The following SYNE1 variants were observed in gnomAD, a reference collection of about 807,000 sequenced individuals.
The protein encoded by SYNE1 is spectrin repeat containing nuclear envelope protein 1.
SYNE1 carries 616 observed loss-of-function variants against 1,111.0 expected under a neutral mutation model. That is an observed-to-expected ratio of 0.55 (90% CI 0.52 to 0.59). The LOEUF is 0.59. SYNE1 is among the 20% of genes least tolerant of loss of function. The probability of loss-of-function intolerance (pLI) is 0.00; values close to 1 mark genes in which losing one functional copy is unlikely to be tolerated. For missense variants in SYNE1, 10,006 were observed against 10,417.0 expected, an observed-to-expected ratio of 0.96 and a Z score of 1.72; for synonymous variants, 3,855 against 3,825.8, an observed-to-expected ratio of 1.01 and a Z score of -0.28.
chr6:152,169,719 G>A lies in SYNE1; in HGVS notation c.23628-5394C>T, dbSNP rs150747347. 3.0e-3 allele frequency among the ~76,000 whole-genome samples: 456 copies of A among 150,128 alleles called. 6 individuals are homozygous for A. The East Asian group carries it at 0.033, about 11-fold the overall frequency. On this transcript the variant is annotated intron_variant, in intron 130 of 145. Transcript: ENST00000367255. ...TAATGAAGTGGGAGGAAGACTGCTT[G>A]AGCCCAGGAGGCTGAGGCTGCAGTG...
chr6:152,488,031 C>T (rs987935695), intron 12 of SYNE1, among the ~76,000 whole-genome samples: 13 of 147,514 alleles, frequency 8.8e-5, no homozygotes, highest in Admixed American at 6.7e-4. Context: ...TCCAAGATCA[C>T]GCCATTGCAC....
chr6:152,446,337 G>A (rs1322666604), intron 29 of SYNE1, among the ~76,000 whole-genome samples: 2 of 152,020 alleles, frequency 1.3e-5, no homozygotes, highest in African/African-American at 4.8e-5. Flanking sequence ...GATTGAAATA[G>A]GTTATGTTCC....
intron 2 of SYNE1, among the ~76,000 whole-genome samples, chr6:152,629,875 T>G (rs2099694963): frequency 6.6e-6 from 1 of 151,850 alleles, no homozygotes; most frequent in South Asian, 2.1e-4. Flanking sequence ...TAAAGAAAGC[T>G]CATACATGTG....
In SYNE1 at chr6:152,331,098, C is replaced by T. The variant is rs1265607198; in HGVS notation, c.13587G>A (p.Lys4529=). The change falls in exon 78 of 146, where the codon AAG becomes AAA. Residue 4529 remains lysine (K), a synonymous_variant. Transcript: ENST00000367255. The part of the protein sequence containing the change: ...ELMKEVTEQE[K]SEVLGKLQEL... Reference sequence around the variant, plus strand: ...CCTGAAGCTTCCCCAGCACTTCACTCTTTTCCTGCTCTGTGACTTCCTTCA... The same window carrying T: ...CCTGAAGCTTCCCCAGCACTTCACTTTTTTCCTGCTCTGTGACTTCCTTCA... The T allele has an allele frequency of 6.2e-7, 1 of 1,614,158 alleles. No individual in the cohort carries two copies. The highest frequency in any genetic ancestry group is 8.5e-7 in the Non-Finnish European group (1 of 1,180,032).
At chr6:152,152,781 G>A (rs2060670880) in intron 133 of SYNE1, among the ~76,000 whole-genome samples, 1 of 152,070 alleles carries the variant, frequency 6.6e-6, no homozygotes, top group African/African-American at 2.4e-5. Context: ...AACATGCTCT[G>A]TTTCTTTTTT....
chr6:152,141,479 G>T (rs1235883352), intron 138 of SYNE1, 150 bp from the exon 139 acceptor site: 3 of 1,042,728 alleles, frequency 2.9e-6, no homozygotes, highest in Non-Finnish European at 4.3e-6. Context: ...CAAGATGGCC[G>T]AGTGTGGTGT....
chr6:152,433,651 C>T, intron 34 of SYNE1, 144 bp downstream of exon 34: 2 of 970,274 alleles, frequency 2.1e-6, no homozygotes, highest in Non-Finnish European at 3.1e-6. Context: ...GACCTCTTAG[C>T]TTGATAAAAT....
chr6:152,277,576 C>T (rs912401124), intron 98 of SYNE1: 7 of 177,638 alleles, frequency 3.9e-5, no homozygotes, highest in East Asian at 2.9e-4. Context: ...GCGTGAGCCA[C>T]GGCGCCCTGC....
rs374434319 is a variant in SYNE1, at chr6:152,433,782, G to A, written c.4461+13C>T. 1 of 1,613,518 alleles carries A rather than the reference G, an allele frequency of 6.2e-7. No individual in the cohort carries two copies. The highest frequency in any genetic ancestry group is 1.7e-5 in the Admixed American group (1 of 59,994). ...TAGACATGGATTATAAATATAATGT[G>A]TGAGCAGGTCACCTTAATTTGGCTG... On this transcript the variant is annotated intron_variant, in intron 34 of 145. Coordinates refer to ENST00000367255, the MANE Select transcript of SYNE1 (RefSeq NM_182961.4).
At chr6:152,179,639 C>T (rs1277175233) in intron 129 of SYNE1, among the ~76,000 whole-genome samples, 3 of 112,670 alleles carry the variant, frequency 2.7e-5, no homozygotes, top group African/African-American at 1.1e-4. Flanking sequence ...GTAAAGCAGG[C>T]CTTTTTATGC....
intron 139 of SYNE1, among the ~76,000 whole-genome samples, 182 bp downstream of exon 139, chr6:152,141,021 C>A (rs951226601): frequency 6.8e-6 from 1 of 146,662 alleles, no homozygotes; most frequent in South Asian, 2.2e-4. Flanking sequence ...GGCGACAGAG[C>A]GCCACTCCGC....
At chr6:152,350,387 A>C (rs772584472) in intron 71 of SYNE1, 52 bp from the exon 72 acceptor site, 1 of 1,612,538 alleles carries the variant, frequency 6.2e-7, no homozygotes, top group Non-Finnish European at 8.5e-7. Flanking sequence ...AAACCTACTC[A>C]AAACTGTTTT....
At chr6:152,596,367 T>C (rs2099581834) in intron 3 of SYNE1, among the ~76,000 whole-genome samples, 1 of 151,052 alleles carries the variant, frequency 6.6e-6, no homozygotes, top group Admixed American at 6.6e-5. Flanking sequence ...GAGATGCTCA[T>C]GCCTGAGCAT....
At chr6:152,343,118 T>C (rs1160271567) in intron 74 of SYNE1, among the ~76,000 whole-genome samples, 1 of 151,718 alleles carries the variant, frequency 6.6e-6, no homozygotes, top group Non-Finnish European at 1.5e-5. Context: ...AATTAATCTT[T>C]GGTTACAGTG....
chr6:152,219,505 A>C (rs948314371), intron 119 of SYNE1, among the ~76,000 whole-genome samples: 1 of 151,740 alleles, frequency 6.6e-6, no homozygotes, highest in Non-Finnish European at 1.5e-5. Flanking sequence ...AAAAAAAAAA[A>C]AACAAACATG....
At chr6:152,160,000 A>G (rs781549806) in intron 131 of SYNE1, among the ~76,000 whole-genome samples, 7 of 151,908 alleles carry the variant, frequency 4.6e-5, no homozygotes, top group Non-Finnish European at 1.0e-4. Context: ...AAAATATACT[A>G]TGGTTATGTT....
At chr6:152,459,470 C>A (rs2098718626) in intron 21 of SYNE1, among the ~76,000 whole-genome samples, 1 of 152,194 alleles carries the variant, frequency 6.6e-6, no homozygotes, top group Non-Finnish European at 1.5e-5. Flanking sequence ...TTGCTGCTCC[C>A]TGCTTATCAA....
chr6:152,201,030 C>T (rs962794218), intron 127 of SYNE1, among the ~76,000 whole-genome samples: 4 of 152,240 alleles, frequency 2.6e-5, no homozygotes, highest in East Asian at 3.9e-4. Flanking sequence ...TAAGTATATG[C>T]GAATTTTTAA....
At chr6:152,249,042 A>AT in intron 105 of SYNE1, 119 bp downstream of exon 105, 1 of 750,676 alleles carries the variant, frequency 1.3e-6, no homozygotes, top group Non-Finnish European at 2.4e-6. Context: ...AAAAACAAAA[A>AT]TACTACAAAC....
Sources: gnomAD v4.1 joint callset for allele counts (sites outside exome capture counted in the v4.1 genomes callset) on GRCh38, gnomAD v4.1.1 for gene constraint, MANE v1.5 for transcripts, NCBI Gene and HGNC (gene_info 2026-07-23, HGNC 2026-07-21) for gene names.